USH2A: variants seen among roughly 807,000 people sequenced by gnomAD.
USH2A encodes the protein usherin.
Under a neutral mutation model 538.9 loss-of-function variants are expected in USH2A, and 443 were observed. The observed-to-expected ratio is 0.82, with a 90% CI of 0.76 to 0.89. The LOEUF (loss-of-function observed/expected upper bound fraction) is 0.89. USH2A is among the 40% of genes least tolerant of loss of function. The probability of loss-of-function intolerance (pLI) is 0.00; values close to 1 mark genes in which losing one functional copy is unlikely to be tolerated. For missense variants in USH2A, 6,633 were observed against 6,324.8 expected, an observed-to-expected ratio of 1.05 and a Z score of -1.65; for synonymous variants, 2,413 against 2,273.5, an observed-to-expected ratio of 1.06 and a Z score of -1.75.
At chr1:216,016,444 C>A (rs1210637436) in intron 32 of USH2A, among the ~76,000 whole-genome samples, 1 of 152,168 alleles carries the variant, frequency 6.6e-6, no homozygotes, top group Non-Finnish European at 1.5e-5. Context: ...CTAAACTCAA[C>A]AAATTCTTCC....
intron 21 of USH2A, among the ~76,000 whole-genome samples, chr1:216,161,183 C>T (rs2034052079): frequency 6.6e-6 from 1 of 152,036 alleles, no homozygotes; most frequent in Non-Finnish European, 1.5e-5. Flanking sequence ...AGATTTAATG[C>T]AACTACTGAT....
intron 35 of USH2A, among the ~76,000 whole-genome samples, chr1:215,976,844 C>T (rs1667629565): frequency 6.6e-6 from 1 of 151,990 alleles, no homozygotes; most frequent in Non-Finnish European, 1.5e-5. Context: ...ACAAGTTTTG[C>T]TATCAGAGAG....
At position 215,624,101 on chromosome 1, in the gene USH2A, A is replaced by G. The variant is rs1295676574; in HGVS notation, c.*1680T>C. ...TCAATCCTATGTTTTCATTTCAGAA[A>G]GTATAAAAACTTGGCGAGAAATATA... On this transcript the variant is annotated 3_prime_UTR_variant, in exon 72 of 72. Coordinates refer to ENST00000307340, the MANE Select transcript of USH2A (RefSeq NM_206933.4). The G allele has an allele frequency of 2.0e-5, 3 of 152,198 alleles. No individual in the cohort carries two copies. Among genetic ancestry groups the G allele is most frequent in the African/African-American group, 7.2e-5 (3 of 41,448 alleles). The allele number at this position is 152,198 out of a possible 1,614,324, so 9.4% of individuals were successfully genotyped here.
intron 65 of USH2A, among the ~76,000 whole-genome samples, chr1:215,649,419 C>G (rs1374357592): frequency 6.6e-6 from 1 of 152,030 alleles, no homozygotes; most frequent in Non-Finnish European, 1.5e-5. Flanking sequence ...AACAAGAGTT[C>G]AGAAACTGAA....
intron 41 of USH2A, among the ~76,000 whole-genome samples, chr1:215,883,664 A>G (rs1245858522): frequency 6.6e-6 from 1 of 152,152 alleles, no homozygotes; most frequent in Non-Finnish European, 1.5e-5. Context: ...TTTACCAATG[A>G]AATAAAATGC....
Position 216,355,317 on chromosome 1 carries a change from AAGAAAGAAAG to A in USH2A, c.784+9626_784+9635del, listed in dbSNP as rs2102696129. Among the ~76,000 whole-genome samples the A allele has an allele frequency of 5.3e-5, 3 of 56,222 alleles. No individual in the cohort carries two copies. In the South Asian group the frequency reaches 2.1e-3, roughly 39 times the overall value. 36.9% of individuals were successfully genotyped at this position (56,222 alleles called of 152,430 possible). A position where few individuals can be genotyped will look rare whatever the true frequency, so the allele number is the denominator to read the frequency against. On this transcript the variant is annotated intron_variant, in intron 4 of 71. Coordinates refer to ENST00000307340, the MANE Select transcript of USH2A (RefSeq NM_206933.4). ...AAAGACTCTGCTTCAAAAAGAAAGAAAGAAAGAAAGAAAGAAAGAAAGAAAGAAAGAAAGA... is the reference window on the plus strand; with the variant it reads ...AAAGACTCTGCTTCAAAAAGAAAGAAAAAGAAAGAAAGAAAGAAAGAAAGA...
chr1:216,356,068 A>G (rs1160954462), intron 4 of USH2A, among the ~76,000 whole-genome samples: 1 of 152,134 alleles, frequency 6.6e-6, no homozygotes, highest in Non-Finnish European at 1.5e-5. Context: ...TTCTTTGCCA[A>G]AGTCACTTGG....
chr1:215,886,103 G>T (rs1249077968), intron 41 of USH2A, among the ~76,000 whole-genome samples: 4 of 152,160 alleles, frequency 2.6e-5, no homozygotes, highest in Non-Finnish European at 4.4e-5. Flanking sequence ...CAATAGAACT[G>T]AAATTATTAT....
rs559638673 is a variant in USH2A at position 215,747,955 on chromosome 1, A to G, written c.11390-4620T>C. Among the ~76,000 whole-genome samples the G allele has an allele frequency of 2.1e-3, 312 of 149,904 alleles. 2 individuals are homozygous for G. Among genetic ancestry groups the G allele is most frequent in the East Asian group, 0.02 (100 of 5,074 alleles). On this transcript the variant is annotated intron_variant, in intron 58 of 71. Transcript: ENST00000307340. ...GCCGGACTGCGGACTGCAGTGGCGCAATCTCGGCTCACTGCAAGCTCCGCC... is the reference window on the plus strand; with the variant it reads ...GCCGGACTGCGGACTGCAGTGGCGCGATCTCGGCTCACTGCAAGCTCCGCC...
At chr1:216,190,006 T>G (rs932469083) in intron 20 of USH2A, among the ~76,000 whole-genome samples, 5 of 152,006 alleles carry the variant, frequency 3.3e-5, no homozygotes, top group African/African-American at 9.7e-5. Flanking sequence ...ACTAATTATA[T>G]TTCTTATTAT....
chr1:216,349,180 T>G (rs1464963827), intron 4 of USH2A, among the ~76,000 whole-genome samples: 2 of 152,166 alleles, frequency 1.3e-5, no homozygotes, highest in Non-Finnish European at 2.9e-5. Context: ...ACCAGCATTT[T>G]CTGATTGAGT....
intron 11 of USH2A, among the ~76,000 whole-genome samples, chr1:216,285,820 T>A (rs556748389): frequency 2.8e-4 from 43 of 152,308 alleles, no homozygotes; most frequent in African/African-American, 9.4e-4. Context: ...GATCATTTGG[T>A]AACTTTGAGG....
chr1:215,896,791 C>T (rs1665354238), intron 40 of USH2A, among the ~76,000 whole-genome samples: 1 of 152,144 alleles, frequency 6.6e-6, no homozygotes, highest in Admixed American at 6.6e-5. Context: ...AATCTTAGGA[C>T]ATTTTTGCAA....
intron 46 of USH2A, among the ~76,000 whole-genome samples, chr1:215,842,846 A>G (rs978170964): frequency 1.3e-5 from 2 of 152,176 alleles, no homozygotes; most frequent in Admixed American, 6.5e-5. Flanking sequence ...CAGAATAAAT[A>G]GCTAATAATA....
rs976702350 is a variant in USH2A at position 215,963,641 on chromosome 1, A to C, written c.7120+1676T>G. ...AAATGGCTGGTTTTCGTTGCTGAAG[A>C]ATATATAATGGTTAAAAAGTCACTT... On this transcript the variant is annotated intron_variant, in intron 37 of 71. Coordinates refer to ENST00000307340, the MANE Select transcript of USH2A (RefSeq NM_206933.4). Among the ~76,000 whole-genome samples the C allele has an allele frequency of 3.9e-5, 6 of 152,228 alleles. No individual in the cohort carries two copies. The South Asian group carries it at 8.3e-4, about 21-fold the overall frequency.
intron 61 of USH2A, among the ~76,000 whole-genome samples, chr1:215,695,627 C>T (rs114599483): frequency 1.5e-3 from 222 of 152,250 alleles, no homozygotes; most frequent in African/African-American, 5.1e-3. Flanking sequence ...AGAGAAAAGG[C>T]AAGTATAGAA....
intron 38 of USH2A, among the ~76,000 whole-genome samples, chr1:215,928,226 A>C (rs1313048511): frequency 6.6e-6 from 1 of 152,106 alleles, no homozygotes; most frequent in Non-Finnish European, 1.5e-5. Context: ...AGAGATCAGA[A>C]TTTTCCCTCC....
chr1:216,005,300 C>T (rs1668366481), intron 32 of USH2A, among the ~76,000 whole-genome samples: 1 of 152,080 alleles, frequency 6.6e-6, no homozygotes, highest in Admixed American at 6.6e-5. Flanking sequence ...AACAATATGG[C>T]CACCATCATC....
intron 9 of USH2A, among the ~76,000 whole-genome samples, chr1:216,302,997 T>G (rs1222492800): frequency 1.3e-5 from 2 of 152,030 alleles, no homozygotes; most frequent in African/African-American, 4.8e-5. Flanking sequence ...ACCATTTGCA[T>G]GAGAGGCCTT....
Sources: gnomAD v4.1 joint callset for allele counts (sites outside exome capture counted in the v4.1 genomes callset) on GRCh38, gnomAD v4.1.1 for gene constraint, MANE v1.5 for transcripts, NCBI Gene and HGNC (gene_info 2026-07-23, HGNC 2026-07-21) for gene names.